The following COL4A3 variants were observed in gnomAD, a reference collection of about 807,000 sequenced individuals.
COL4A3 encodes the protein collagen alpha-3(IV) chain.
Under a neutral mutation model 217.4 loss-of-function variants are expected in COL4A3, and 135 were observed. The observed-to-expected ratio is 0.62, with a 90% confidence interval of 0.54 to 0.72. The LOEUF is 0.72. COL4A3 is among the 30% of genes least tolerant of loss of function. The pLI is 0.00. For missense variants in COL4A3, 1,868 were observed against 2,119.9 expected, an observed-to-expected ratio of 0.88 and a Z score of 2.33; for synonymous variants, 690 against 736.3, an observed-to-expected ratio of 0.94 and a Z score of 1.02.
At chr2:227,281,124 G>A (rs2071935987) in intron 31 of COL4A3, 118 bp downstream of exon 31, 3 of 739,798 alleles carry the variant, frequency 4.1e-6, no homozygotes, top group Admixed American at 2.0e-5. Flanking sequence ...ACTGTTCAAT[G>A]AGAAATACTT....
rs538483249 is a variant in COL4A3, at chr2:227,314,289, A to G, written c.*2419A>G. 3 of 152,806 alleles carry G rather than the reference A, an allele frequency of 2.0e-5. No homozygotes were observed. In the South Asian group the frequency reaches 6.2e-4, roughly 32 times the overall value. 9.5% of individuals were successfully genotyped at this position (152,806 alleles called of 1,614,324 possible). A position where few individuals can be genotyped will look rare whatever the true frequency, so the allele number is the denominator to read the frequency against. ...AAACCTGAAATTCCAATGAAGCCAT[A>G]TGAACAGCTGTTCAGTTGCACTTCT... On this transcript the variant is annotated 3_prime_UTR_variant, in exon 52 of 52. Coordinates refer to ENST00000396578, the MANE Select transcript of COL4A3 (RefSeq NM_000091.5).
At chr2:227,183,455 T>A (rs1290882990) in intron 1 of COL4A3, among the ~76,000 whole-genome samples, 1 of 151,976 alleles carries the variant, frequency 6.6e-6, no homozygotes, top group African/African-American at 2.4e-5. Context: ...AACAAGGTGG[T>A]GGATGGAAAC....
chr2:227,286,762 A>C (rs1316243316), intron 34 of COL4A3, among the ~76,000 whole-genome samples: 2 of 152,210 alleles, frequency 1.3e-5, no homozygotes, highest in South Asian at 2.1e-4. Flanking sequence ...TGAACAAATA[A>C]AATTCTTGGC....
chr2:227,278,583 A>G (rs2071735824), intron 28 of COL4A3, among the ~76,000 whole-genome samples: 1 of 152,232 alleles, frequency 6.6e-6, no homozygotes, highest in Non-Finnish European at 1.5e-5. Context: ...TGGAGTCTTA[A>G]GAATGGCTTT....
chr2:227,172,903 G>A (rs1459226300), intron 1 of COL4A3, among the ~76,000 whole-genome samples: 2 of 151,998 alleles, frequency 1.3e-5, no homozygotes, highest in African/African-American at 4.8e-5. Context: ...CTTCTGATAA[G>A]GGCACAGATC....
intron 1 of COL4A3, among the ~76,000 whole-genome samples, chr2:227,174,269 GA>G (rs1383965743): frequency 1.3e-5 from 2 of 152,112 alleles, no homozygotes; most frequent in African/African-American, 4.8e-5. Context: ...TGGGGCAAGG[GA>G]AATATATTGA....
At chr2:227,214,464 A>G (rs776522106) in intron 1 of COL4A3, among the ~76,000 whole-genome samples, 1 of 152,238 alleles carries the variant, frequency 6.6e-6, no homozygotes, top group Non-Finnish European at 1.5e-5. Flanking sequence ...TATCTTAAAC[A>G]TCACAAATGA....
chr2:227,234,127 C>T (rs1179783852), intron 1 of COL4A3, among the ~76,000 whole-genome samples: 5 of 151,910 alleles, frequency 3.3e-5, no homozygotes, highest in Admixed American at 6.6e-5. Context: ...TGTCATGTTG[C>T]GTGCAGTCTA....
intron 25 of COL4A3, 69 bp downstream of exon 25, chr2:227,271,021 T>C: frequency 6.5e-7 from 1 of 1,541,786 alleles, no homozygotes; most frequent in Non-Finnish European, 8.9e-7. Context: ...AAGTGATTTC[T>C]TTTCCAAAAA....
intron 1 of COL4A3, among the ~76,000 whole-genome samples, chr2:227,235,198 A>G (rs1382333700): frequency 2.0e-5 from 3 of 147,904 alleles, no homozygotes; most frequent in Non-Finnish European, 4.4e-5. Flanking sequence ...CATTTCTGAC[A>G]AGTCTCCAGG....
At chr2:227,195,787 C>G (rs984981442) in intron 1 of COL4A3, among the ~76,000 whole-genome samples, 1 of 150,744 alleles carries the variant, frequency 6.6e-6, no homozygotes, top group African/African-American at 2.4e-5. Flanking sequence ...ATGACAGCTC[C>G]ATGAATTATT....
At chr2:227,167,605 G>C (rs75902707) in intron 1 of COL4A3, among the ~76,000 whole-genome samples, 3,977 of 152,310 alleles carry the variant, frequency 0.026, 163 homozygotes, top group African/African-American at 0.087. Context: ...AGCAATATGA[G>C]AAGCAAATGT....
chr2:227,263,905 C>T lies in COL4A3; in HGVS notation c.1276C>T (p.Pro426Ser). 1 of 1,614,172 alleles carries T rather than the reference C, an allele frequency of 6.2e-7. No individual in the cohort carries two copies. The highest frequency in any genetic ancestry group is 8.5e-7 in the Non-Finnish European group (1 of 1,180,024). ...TPGSPGCAGS[P>S]GLPGSPGPPG... ...TGGGTCCCCAGGTTGTGCTGGTTCACCAGGTCTTCCAGGATCACCGGGACC... is the reference window on the plus strand; with the variant it reads ...TGGGTCCCCAGGTTGTGCTGGTTCATCAGGTCTTCCAGGATCACCGGGACC... The change falls in exon 21 of 52, where the codon CCA becomes TCA. Residue 426 changes from proline (P) to serine (S), a missense_variant. Pro to Ser is a moderately conservative substitution (Grantham distance 74). This residue lies in a region of COL4A3 where 1,503 missense variants were observed against 1,786.1 expected (regional missense o/e 0.84). Coordinates refer to ENST00000396578, the MANE Select transcript of COL4A3 (RefSeq NM_000091.5).
chr2:227,201,684 C>T (rs374330282), intron 1 of COL4A3, among the ~76,000 whole-genome samples: 2 of 152,146 alleles, frequency 1.3e-5, no homozygotes, highest in African/African-American at 4.8e-5. Flanking sequence ...ACTACCAAAT[C>T]CTTTTCAACT....
chr2:227,244,359 G>A lies in COL4A3; in HGVS notation c.274G>A (p.Val92Ile), dbSNP rs200873401. 36 of 1,613,718 alleles carry A rather than the reference G, an allele frequency of 2.2e-5. No individual in the cohort carries two copies. The highest frequency in any genetic ancestry group is 2.5e-6 in the Non-Finnish European group (3 of 1,179,836). Residue 92 changes from valine to isoleucine, a missense_variant, in exon 4 of 52, where the codon GTA (valine) becomes ATA (isoleucine). Around this residue, in one of 2 missense-constraint regions of COL4A3, gnomAD observed 365 missense variants for 333.8 expected, o/e 1.09. Transcript: ENST00000396578. ...TCCAGGACTCACGGGTTCCAAAGGTGTAAGGGTTAGTAGTCCAACCAGTCC... is the reference window on the plus strand; with the variant it reads ...TCCAGGACTCACGGGTTCCAAAGGTATAAGGGTTAGTAGTCCAACCAGTCC... ...GLPGLTGSKG[V>I]RGISGLPGFS...
chr2:227,232,683 G>A (rs1052776696), intron 1 of COL4A3, among the ~76,000 whole-genome samples: 2 of 152,058 alleles, frequency 1.3e-5, no homozygotes, highest in Non-Finnish European at 2.9e-5. Flanking sequence ...TTTGAGAAAT[G>A]TCTATTCAAA....
chr2:227,206,680 G>A (rs1484186170), intron 1 of COL4A3, among the ~76,000 whole-genome samples: 1 of 152,124 alleles, frequency 6.6e-6, no homozygotes, highest in East Asian at 1.9e-4. Context: ...TAATGAGTCC[G>A]AATCTGTGTC....
chr2:227,235,258 T>C (rs540417585), intron 1 of COL4A3, among the ~76,000 whole-genome samples: 6 of 152,260 alleles, frequency 3.9e-5, no homozygotes, highest in Admixed American at 3.9e-4. Flanking sequence ...AGAGTATACT[T>C]AAAAGATGTG....
rs2070446935 is a variant in COL4A3 at position 227,260,004 on chromosome 2, A to C, written c.1114+127A>C. ...AGGGAACAGAGATCTCTTCATTTTCATAAAGGTGTTATTTTTTGATGTCTC... is the reference window on the plus strand; with the variant it reads ...AGGGAACAGAGATCTCTTCATTTTCCTAAAGGTGTTATTTTTTGATGTCTC... On this transcript the variant is annotated intron_variant, in intron 19 of 51. Coordinates refer to ENST00000396578, the MANE Select transcript of COL4A3 (RefSeq NM_000091.5). 7.6e-6 allele frequency: 6 copies of C among 789,120 alleles called. No individual in the cohort carries two copies. In the Admixed American group the frequency reaches 1.0e-4, roughly 13 times the overall value. 48.9% of individuals were successfully genotyped at this position (789,120 alleles called of 1,614,324 possible).
Sources: gnomAD v4.1 joint callset for allele counts (sites outside exome capture counted in the v4.1 genomes callset) on GRCh38, gnomAD v4.1.1 for gene constraint, gnomAD v4.1.1 regional missense constraint, MANE v1.5 for transcripts, NCBI Gene and HGNC (gene_info 2026-07-23, HGNC 2026-07-21) for gene names.